ACBD6: variants seen among roughly 807,000 people sequenced by gnomAD.
The protein encoded by ACBD6 is acyl-CoA binding domain containing 6.
ACBD6 carries 28 observed loss-of-function variants against 37.2 expected under a neutral mutation model. The ratio of observed to expected loss-of-function variants is 0.75; its 90% CI spans 0.56 to 1.03. The LOEUF (loss-of-function observed/expected upper bound fraction) is 1.03, where lower values mean the gene tolerates loss of function less well. ACBD6 is among the 50% of genes least tolerant of loss of function. The pLI is 0.00. For missense variants in ACBD6, 340 were observed against 337.4 expected (o/e 1.01, Z -0.06); for synonymous variants, 113 against 126.8 (o/e 0.89, Z 0.73).
intron 7 of ACBD6, among the ~76,000 whole-genome samples, chr1:180,311,474 G>C (rs1175052695): frequency 6.6e-6 from 1 of 152,068 alleles, no homozygotes; most frequent in East Asian, 1.9e-4. Flanking sequence ...GTCTTACTCT[G>C]TCAACCAAGC....
At chr1:180,431,599 G>A (rs1453632104) in intron 3 of ACBD6, among the ~76,000 whole-genome samples, 1 of 152,188 alleles carries the variant, frequency 6.6e-6, no homozygotes, top group African/African-American at 2.4e-5. Flanking sequence ...AGATTTACCA[G>A]TATGTATCCT....
Position 180,445,255 on chromosome 1 carries a change from G to A in ACBD6, c.385-14993C>T, listed in dbSNP as rs1468752377. ...TGTTTCAGCAATATAGATACAAGAT[G>A]TTGTGATGTGGGGACTTAAAATATT... On this transcript the variant is annotated intron_variant, in intron 3 of 7. Transcript: ENST00000367595. Among the ~76,000 whole-genome samples the A allele has an allele frequency of 5.3e-5, 8 of 152,278 alleles. No individual in the cohort carries two copies. In the East Asian group the frequency reaches 1.5e-3, roughly 29 times the overall value.
At chr1:180,304,724 A>G (rs181727976) in intron 7 of ACBD6, among the ~76,000 whole-genome samples, 1,687 of 150,946 alleles carry the variant, frequency 0.011, 48 homozygotes, top group African/African-American at 0.039. Flanking sequence ...GCTACAAATG[A>G]CTTTCCTCAC....
At position 180,502,267 on chromosome 1, in the gene ACBD6, G is replaced by A. The variant is rs1298711605; in HGVS notation, c.-1C>T. On this transcript the variant is annotated 5_prime_UTR_variant, in exon 1 of 8. Coordinates refer to ENST00000367595, the MANE Select transcript of ACBD6 (RefSeq NM_032360.4). ...CCGCGGGCAGGAATGATGAAGCCAT[G>A]TCTCCTTGCTCGCTCCGTCCCTCTG... The A allele has an allele frequency of 6.2e-7, 1 of 1,612,680 alleles. No homozygotes were observed. The highest frequency in any genetic ancestry group is 8.5e-7 in the Non-Finnish European group (1 of 1,180,012).
At position 180,384,640 on chromosome 1, in the gene ACBD6, C is replaced by T. The variant is rs139697528; in HGVS notation, c.663+12876G>A. The stretch of plus-strand genomic sequence containing the variant: ...GAACTAACATACACTTCAGCAATCG[C>T]ACTACTGGGTATTTATCTAAAGGAA... On this transcript the variant is annotated intron_variant, in intron 6 of 7. Transcript: ENST00000367595. Among the ~76,000 whole-genome samples the T allele has an allele frequency of 1.8e-3, 273 of 152,276 alleles. 1 individual carries two copies. Among genetic ancestry groups the T allele is most frequent in the African/African-American group, 6.3e-3 (262 of 41,566 alleles).
At chr1:180,274,322 A>G in intron 10 of ACBD6, 1 of 1,614,134 alleles carries the variant, frequency 6.2e-7, no homozygotes, top group Non-Finnish European at 8.5e-7. Context: ...GAGGGATGGG[A>G]GCCCCTATGG....
intron 3 of ACBD6, among the ~76,000 whole-genome samples, chr1:180,450,661 G>A (rs1571527820): frequency 6.6e-6 from 1 of 152,162 alleles, no homozygotes; most frequent in African/African-American, 2.4e-5. Flanking sequence ...TCGGGAGGCT[G>A]AGGCAGAAGA....
At chr1:180,368,076 T>C (rs920975860) in intron 6 of ACBD6, among the ~76,000 whole-genome samples, 27 of 152,222 alleles carry the variant, frequency 1.8e-4, no homozygotes, top group African/African-American at 6.5e-4. Context: ...TTTTTAATAA[T>C]AGCTATTCTG....
intron 3 of ACBD6, among the ~76,000 whole-genome samples, chr1:180,454,705 CA>C (rs1649848318): frequency 6.6e-6 from 1 of 152,076 alleles, no homozygotes; most frequent in Non-Finnish European, 1.5e-5. Context: ...AAAAAGTGGG[CA>C]AAGGATATCA....
At chr1:180,488,208 T>C (rs1189659023) in intron 3 of ACBD6, among the ~76,000 whole-genome samples, 2 of 151,888 alleles carry the variant, frequency 1.3e-5, no homozygotes, top group Non-Finnish European at 2.9e-5. Context: ...TTACAGAAGT[T>C]CCTTATATTA....
chr1:180,489,153 G>A (rs921683619), intron 3 of ACBD6, among the ~76,000 whole-genome samples: 2 of 151,774 alleles, frequency 1.3e-5, no homozygotes, highest in African/African-American at 4.8e-5. Flanking sequence ...GTGACAGAGA[G>A]AGACTCCATC....
chr1:180,490,606 T>C (rs2102087148), intron 3 of ACBD6, among the ~76,000 whole-genome samples: 1 of 151,730 alleles, frequency 6.6e-6, no homozygotes, highest in Non-Finnish European at 1.5e-5. Context: ...AAACCCCGTC[T>C]CTACTAAAGA....
At chr1:180,273,396 C>T (rs1203713301) in exon 12 of ACBD6, 6 of 152,394 alleles carry the variant, frequency 3.9e-5, no homozygotes, top group Admixed American at 2.6e-4. Flanking sequence ...TTGAAGTCAA[C>T]ACCTAGAACA....
At chr1:180,350,664 C>T (rs1391540563) in intron 6 of ACBD6, among the ~76,000 whole-genome samples, 1 of 152,174 alleles carries the variant, frequency 6.6e-6, no homozygotes, top group Non-Finnish European at 1.5e-5. Flanking sequence ...GCTACCTATC[C>T]CTTTCCACAC....
chr1:180,383,899 T>C (rs910964354), intron 6 of ACBD6, among the ~76,000 whole-genome samples: 1 of 151,994 alleles, frequency 6.6e-6, no homozygotes, highest in African/African-American at 2.4e-5. Context: ...TCAACAAAGA[T>C]GCCAAGAATA....
rs1280600185 is a variant in ACBD6 at position 180,288,536 on chromosome 1, A to G, written c.695-19T>C. ...GCAGAGGCTGAAAGGAAAATTGACA[A>G]ATATGAAAACAAGTTTACCAAGAGA... On this transcript the variant is annotated intron_variant, in intron 7 of 7. Transcript: ENST00000367595. The G allele has an allele frequency of 1.2e-6, 2 of 1,608,968 alleles. No homozygotes were observed. The highest frequency in any genetic ancestry group is 1.7e-6 in the Non-Finnish European group (2 of 1,177,588).
downstream of ACBD6, chr1:180,288,083 C>G (rs1009506369): frequency 5.2e-6 from 2 of 383,778 alleles, no homozygotes; most frequent in Non-Finnish European, 9.7e-6. Context: ...TGATCTGTCT[C>G]CTCTTCTGCC....
intron 6 of ACBD6, among the ~76,000 whole-genome samples, chr1:180,349,138 G>C (rs1387459237): frequency 6.6e-6 from 1 of 151,646 alleles, no homozygotes; most frequent in Non-Finnish European, 1.5e-5. Context: ...TTCTTATAAA[G>C]TCAGCTTTTA....
intron 6 of ACBD6, among the ~76,000 whole-genome samples, chr1:180,386,806 T>C (rs1263275630): frequency 7.1e-6 from 1 of 141,238 alleles, no homozygotes; most frequent in Non-Finnish European, 1.6e-5. Context: ...TTTCTGTTTT[T>C]TCCACTTGTT....
Sources: gnomAD v4.1 joint callset for allele counts (sites outside exome capture counted in the v4.1 genomes callset) on GRCh38, gnomAD v4.1.1 for gene constraint, MANE v1.5 for transcripts, NCBI Gene and HGNC (gene_info 2026-07-23, HGNC 2026-07-21) for gene names.